MGAT4A: variants seen among roughly 807,000 people sequenced by gnomAD.
MGAT4A encodes N-acetylglucosaminyltransferase IVa.
In MGAT4A, 33 loss-of-function variants were observed where a neutral mutation model predicts 74.1. The ratio of observed to expected loss-of-function variants is 0.45; its 90% CI spans 0.34 to 0.60. The LOEUF (loss-of-function observed/expected upper bound fraction) is 0.60. MGAT4A is among the 20% of genes least tolerant of loss of function. The probability of loss-of-function intolerance (pLI) is 0.02; values close to 1 mark genes in which losing one functional copy is unlikely to be tolerated. For synonymous variants in MGAT4A, 198 were observed against 210.4 expected (o/e 0.94, Z 0.51); for missense variants, 479 against 628.3 (o/e 0.76, Z 2.54).
intron 2 of MGAT4A, among the ~76,000 whole-genome samples, chr2:98,700,283 A>AT (rs1223478917): frequency 6.7e-6 from 1 of 149,654 alleles, no homozygotes; most frequent in East Asian, 1.9e-4. Context: ...TAAAAGCTTG[A>AT]TTTTTTCCTT....
intron 14 of MGAT4A, among the ~76,000 whole-genome samples, chr2:98,630,392 C>G (rs922615718): frequency 6.6e-6 from 1 of 152,072 alleles, no homozygotes; most frequent in Non-Finnish European, 1.5e-5. Context: ...CTGTGCATTG[C>G]TTAGGAATAT....
intron 2 of MGAT4A, among the ~76,000 whole-genome samples, chr2:98,686,692 G>A (rs1165755089): frequency 6.6e-6 from 1 of 152,144 alleles, no homozygotes; most frequent in Middle Eastern, 3.4e-3. Context: ...GATTACAGGT[G>A]CACACTGCCA....
At chr2:98,725,020 A>G (rs1702740249) in intron 2 of MGAT4A, among the ~76,000 whole-genome samples, 1 of 152,248 alleles carries the variant, frequency 6.6e-6, no homozygotes, top group Non-Finnish European at 1.5e-5. Context: ...GGTTGCAGTG[A>G]GCCGAGGTCT....
rs748524606 is a variant in MGAT4A, at chr2:98,624,443, C to T, written c.*1123G>A. ...AGTAATAAATACAGTCTCTTGGACA[C>T]GGGACTCACTTATCAGTTCATACTA... On this transcript the variant is annotated 3_prime_UTR_variant, in exon 16 of 16. Transcript: ENST00000393487. 2.7e-4 allele frequency: 263 copies of T among 964,906 alleles called. 1 individual carries two copies. Among genetic ancestry groups the T allele is most frequent in the Non-Finnish European group, 3.1e-4 (251 of 811,602 alleles). 59.8% of individuals were successfully genotyped at this position (964,906 alleles called of 1,614,324 possible). A position where few individuals can be genotyped will look rare whatever the true frequency, so the allele number is the denominator to read the frequency against.
chr2:98,646,217 T>C (rs1468237339), intron 8 of MGAT4A, among the ~76,000 whole-genome samples: 1 of 152,092 alleles, frequency 6.6e-6, no homozygotes, highest in African/African-American at 2.4e-5. Context: ...TTTTTTCCTC[T>C]GTAAAATAAA....
intron 5 of MGAT4A, among the ~76,000 whole-genome samples, chr2:98,660,739 AG>A (rs1378673153): frequency 6.6e-6 from 1 of 152,068 alleles, no homozygotes; most frequent in Non-Finnish European, 1.5e-5. Context: ...GATGAATGAA[AG>A]TGGAACTTCA....
At chr2:98,726,205 A>C (rs1364703699) in intron 2 of MGAT4A, 34 bp downstream of exon 2, 1 of 1,580,558 alleles carries the variant, frequency 6.3e-7, no homozygotes. Flanking sequence ...ACCCTAGTAC[A>C]TTTCATGCAC....
chr2:98,710,952 G>A (rs2104324874), intron 2 of MGAT4A, among the ~76,000 whole-genome samples: 1 of 151,916 alleles, frequency 6.6e-6, no homozygotes, highest in Non-Finnish European at 1.5e-5. Context: ...ACGGCGGGTG[G>A]GGAGGAAGAT....
intron 2 of MGAT4A, among the ~76,000 whole-genome samples, chr2:98,688,180 C>T (rs1046674803): frequency 9.2e-5 from 14 of 152,216 alleles, no homozygotes; most frequent in African/African-American, 3.4e-4. Flanking sequence ...AGGACTGATA[C>T]TTCATGGCTT....
At chr2:98,667,805 C>T (rs1450186944) in intron 4 of MGAT4A, among the ~76,000 whole-genome samples, 1 of 152,018 alleles carries the variant, frequency 6.6e-6, no homozygotes, top group Non-Finnish European at 1.5e-5. Context: ...CTGGAACCTC[C>T]ACCTCCCAGG....
rs1400845673 is a variant in MGAT4A at position 98,619,525 on chromosome 2, C to CA, written c.*6040dup. The CA allele has an allele frequency of 2.0e-5, 3 of 152,218 alleles. No individual in the cohort carries two copies. Among genetic ancestry groups the CA allele is most frequent in the Admixed American group, 2.0e-4 (3 of 15,294 alleles). The allele number at this position is 152,218 out of a possible 1,614,324, so 9.4% of individuals were successfully genotyped here. A position where few individuals can be genotyped will look rare whatever the true frequency, so the allele number is the denominator to read the frequency against. On this transcript the variant is annotated 3_prime_UTR_variant, in exon 16 of 16. Transcript: ENST00000393487. ...CAGTTTTTCCATTCCATAAATGAAA[C>CA]ACAATTGTTACACTTTGCTGATTTC...
At chr2:98,719,556 C>A (rs1241735760) in intron 2 of MGAT4A, among the ~76,000 whole-genome samples, 2 of 152,144 alleles carry the variant, frequency 1.3e-5, no homozygotes, top group African/African-American at 4.8e-5. Context: ...CAGAAAAATA[C>A]AACCAATACA....
At chr2:98,681,304 C>T (rs948559835) in intron 2 of MGAT4A, among the ~76,000 whole-genome samples, 11 of 152,070 alleles carry the variant, frequency 7.2e-5, no homozygotes, top group African/African-American at 2.4e-4. Context: ...TTCAAAGTAA[C>T]AAATTTTTTG....
At chr2:98,653,355 G>GA (rs566464377) in intron 8 of MGAT4A, among the ~76,000 whole-genome samples, 65 of 133,074 alleles carry the variant, frequency 4.9e-4, no homozygotes, top group East Asian at 6.6e-4. Context: ...TAAATAAATA[G>GA]AAAAAAAAAA....
At chr2:98,699,793 A>G (rs777861409) in intron 2 of MGAT4A, among the ~76,000 whole-genome samples, 1 of 152,178 alleles carries the variant, frequency 6.6e-6, no homozygotes, top group African/African-American at 2.4e-5. Context: ...AGGGAGACAC[A>G]TATGTAGTAC....
Position 98,652,480 on chromosome 2 carries a change from C to T in MGAT4A, c.774+2965G>A, listed in dbSNP as rs534078048. ...CTAGTAGCTGGGACTACTAGGCGCC[C>T]GCCACCACGCCCGGCTAATTTTTTG... On this transcript the variant is annotated intron_variant, in intron 8 of 15. Coordinates refer to ENST00000393487, the MANE Select transcript of MGAT4A (RefSeq NM_012214.3). Among the ~76,000 whole-genome samples, 299 of 152,022 alleles carry T rather than the reference C, an allele frequency of 2.0e-3. 2 individuals are homozygous for T. Among genetic ancestry groups the T allele is most frequent in the African/African-American group, 6.5e-3 (270 of 41,476 alleles).
intron 2 of MGAT4A, among the ~76,000 whole-genome samples, chr2:98,691,045 T>C (rs1206177969): frequency 6.6e-6 from 1 of 151,784 alleles, no homozygotes; most frequent in African/African-American, 2.4e-5. Flanking sequence ...ACACAGAACA[T>C]ACAGAAAGAG....
chr2:98,718,364 C>A (rs1223268985), intron 2 of MGAT4A, among the ~76,000 whole-genome samples: 3 of 152,322 alleles, frequency 2.0e-5, no homozygotes, highest in Admixed American at 2.0e-4. Context: ...CTCTGCTGAT[C>A]CCCTGTGAAG....
chr2:98,648,750 C>T (rs1269189944), intron 8 of MGAT4A, among the ~76,000 whole-genome samples: 1 of 151,544 alleles, frequency 6.6e-6, no homozygotes, highest in Non-Finnish European at 1.5e-5. Context: ...TCACTGACAC[C>T]AGTGGACCAG....
Sources: gnomAD v4.1 joint callset for allele counts (sites outside exome capture counted in the v4.1 genomes callset) on GRCh38, gnomAD v4.1.1 for gene constraint, MANE v1.5 for transcripts, NCBI Gene and HGNC (gene_info 2026-07-23, HGNC 2026-07-21) for gene names.